The following GSE1 variants were observed in gnomAD, a reference collection of about 807,000 sequenced individuals.
GSE1 encodes genetic suppressor element 1.
Under a neutral mutation model 112.6 loss-of-function variants are expected in GSE1, and 32 were observed. That is an observed-to-expected ratio of 0.28 (90% CI 0.21 to 0.38). The LOEUF is 0.38. Among genes scored for constraint, GSE1 ranks in the 10% least tolerant of loss-of-function variants. The pLI is 1.00. For missense variants in GSE1, 2,348 were observed against 1,699.2 expected (o/e 1.38, Z -6.71); for synonymous variants, 1,115 against 735.6 (o/e 1.52, Z -8.35).
Position 85,417,765 on chromosome 16 carries a change from A to G in GSE1, c.2464+60122A>G, listed in dbSNP as rs534337594. 1.1e-4 allele frequency among the ~76,000 whole-genome samples: 17 copies of G among 152,374 alleles called. 1 individual carries two copies. Among genetic ancestry groups the G allele is most frequent in the Admixed American group, 4.6e-4 (7 of 15,308 alleles). On this transcript the variant is annotated intron_variant, in intron 2 of 2. Transcript: ENST00000637419. ...ATCAGCATCCGTCGCAGGACGTGTT[A>G]CAGTCCTGAATGCTGGGCTGCACCC...
rs567063101 is a variant in GSE1, at chr16:85,655,516, C to T, written c.798-210C>T. 3.9e-5 allele frequency among the ~76,000 whole-genome samples: 6 copies of T among 152,304 alleles called. No homozygotes were observed. The East Asian group carries it at 7.7e-4, about 20-fold the overall frequency. On this transcript the variant is annotated intron_variant, in intron 5 of 15. Transcript: ENST00000253458. Reference sequence around the variant, plus strand: ...CTGAGCCGAGGGAGGTGGCAGGCGGCGCCCTGGAACCCCAAGCTGTCGGCA... The same window carrying T: ...CTGAGCCGAGGGAGGTGGCAGGCGGTGCCCTGGAACCCCAAGCTGTCGGCA...
intron 1 of GSE1, among the ~76,000 whole-genome samples, chr16:85,632,813 G>A (rs76516778): frequency 0.1 from 15,251 of 152,276 alleles, 946 homozygotes; most frequent in Admixed American, 0.2. Flanking sequence ...GGAGGAAGCC[G>A]GGACCCTGTC....
In GSE1 at chr16:85,419,787, A is replaced by G. The variant is rs1337768308; in HGVS notation, c.2464+62144A>G. On this transcript the variant is annotated intron_variant, in intron 2 of 2. Transcript: ENST00000637419. The surrounding 1 kb of genome is among the most constrained non-coding windows in gnomAD (Gnocchi z 6.5). ...CCGCCCCCACCCCTCCAAGACTCTG[A>G]TGGAAATGGTCCGAGTAGGGCTTCT... is the stretch of plus-strand genomic sequence containing the variant. Among the ~76,000 whole-genome samples, 1 of 139,528 alleles carries G rather than the reference A, an allele frequency of 7.2e-6. No homozygotes were observed. Among genetic ancestry groups the G allele is most frequent in the African/African-American group, 2.6e-5 (1 of 38,608 alleles). The allele number at this position is 139,528 out of a possible 152,430, so 91.5% of individuals were successfully genotyped here. A position where few individuals can be genotyped will look rare whatever the true frequency, so the allele number is the denominator to read the frequency against.
chr16:85,583,477 G>C (rs559117791), intron 1 of GSE1: 2 of 152,456 alleles, frequency 1.3e-5, no homozygotes, highest in Admixed American at 1.3e-4. Flanking sequence ...AGATTCCAAG[G>C]CTCTCGGCCT....
At chr16:85,641,198 C>A (rs2050415083) in intron 2 of GSE1, among the ~76,000 whole-genome samples, 1 of 152,272 alleles carries the variant, frequency 6.6e-6, no homozygotes, top group Non-Finnish European at 1.5e-5. Context: ...CCTAACGTCC[C>A]ACCTCCCTCA....
At chr16:85,547,047 G>A (rs1457399845) in intron 2 of GSE1, among the ~76,000 whole-genome samples, 2 of 152,254 alleles carry the variant, frequency 1.3e-5, no homozygotes, top group East Asian at 1.9e-4. Context: ...TGTGGAGGGC[G>A]GGCAGCCTCA....
At chr16:85,308,179 C>T (rs529674864) in intron 1 of GSE1, among the ~76,000 whole-genome samples, 51 of 152,298 alleles carry the variant, frequency 3.3e-4, no homozygotes, top group African/African-American at 1.2e-3. Flanking sequence ...AGCTGCTCTT[C>T]TCTTTGAATT....
rs541535634 is a variant in GSE1, at chr16:85,674,473, G to A, written c.*1934G>A. 2.0e-5 allele frequency: 3 copies of A among 152,332 alleles called. No homozygotes were observed. The highest frequency in any genetic ancestry group is 4.4e-5 in the Non-Finnish European group (3 of 68,042). 9.4% of individuals were successfully genotyped at this position (152,332 alleles called of 1,614,324 possible). On this transcript the variant is annotated 3_prime_UTR_variant, in exon 16 of 16. Coordinates refer to ENST00000253458, the MANE Select transcript of GSE1 (RefSeq NM_014615.5). ...GGTCAGCATGTTCCACAGGTGTTCAGAGGGAGTCTGCTACAAACTATCAGG... is the reference window on the plus strand; with the variant it reads ...GGTCAGCATGTTCCACAGGTGTTCAAAGGGAGTCTGCTACAAACTATCAGG...
At chr16:85,467,724 A>G (rs2050165187) in intron 2 of GSE1, among the ~76,000 whole-genome samples, 1 of 152,188 alleles carries the variant, frequency 6.6e-6, no homozygotes, top group Non-Finnish European at 1.5e-5. Context: ...GGTAGCCACC[A>G]AAGGCTGCCC....
At chr16:85,276,826 A>G (rs559383542) in intron 1 of GSE1, among the ~76,000 whole-genome samples, 1 of 152,194 alleles carries the variant, frequency 6.6e-6, no homozygotes, top group African/African-American at 2.4e-5. Context: ...CCCCTGACTC[A>G]GGAGCTTCCC....
chr16:85,365,577 G>T (rs1293991836), intron 2 of GSE1, among the ~76,000 whole-genome samples: 1 of 152,194 alleles, frequency 6.6e-6, no homozygotes, highest in East Asian at 1.9e-4. Flanking sequence ...CGTCCTTGGG[G>T]ACCACATTCA....
intron 1 of GSE1, among the ~76,000 whole-genome samples, chr16:85,590,933 G>A (rs2046977021): frequency 6.6e-6 from 1 of 151,350 alleles, no homozygotes; most frequent in Non-Finnish European, 1.5e-5. Context: ...GCTGACATGC[G>A]GTGGGGGGGA....
intron 2 of GSE1, among the ~76,000 whole-genome samples, chr16:85,641,227 C>T (rs1199002088): frequency 3.3e-5 from 5 of 152,274 alleles, no homozygotes; most frequent in African/African-American, 4.8e-5. Context: ...GTCTCAGCTC[C>T]TTTGGTCCCA....
At chr16:85,508,259 C>G (rs937999516) in intron 2 of GSE1, among the ~76,000 whole-genome samples, 1 of 152,218 alleles carries the variant, frequency 6.6e-6, no homozygotes, top group Non-Finnish European at 1.5e-5. Flanking sequence ...GTCTGCAACT[C>G]CTGACCTCAG....
intron 1 of GSE1, among the ~76,000 whole-genome samples, chr16:85,299,851 G>T (rs991247149): frequency 2.0e-5 from 3 of 150,878 alleles, no homozygotes; most frequent in African/African-American, 7.3e-5. Context: ...CAGGAGGATC[G>T]CTTGAGCCTG....
intron 1 of GSE1, among the ~76,000 whole-genome samples, chr16:85,193,343 T>C (rs775000250): frequency 3.3e-5 from 5 of 152,210 alleles, no homozygotes. Context: ...AATTTATTCT[T>C]ATTTTTATTT....
chr16:85,672,583 A>G lies in GSE1; in HGVS notation c.*44A>G, dbSNP rs771985731. On this transcript the variant is annotated 3_prime_UTR_variant, in exon 16 of 16. Coordinates refer to ENST00000253458, the MANE Select transcript of GSE1 (RefSeq NM_014615.5). The stretch of plus-strand genomic sequence containing the variant: ...GCCGAACCTATAGTATAGAAATATT[A>G]TCTATTTTATTACCTTGAATATTTA... 2 of 1,351,220 alleles carry G rather than the reference A, an allele frequency of 1.5e-6. No homozygotes were observed. Among genetic ancestry groups the G allele is most frequent in the South Asian group, 1.5e-5 (1 of 68,838 alleles). The allele number at this position is 1,351,220 out of a possible 1,614,324, so 83.7% of individuals were successfully genotyped here.
intron 1 of GSE1, among the ~76,000 whole-genome samples, chr16:85,229,651 T>C (rs535526283): frequency 6.6e-6 from 1 of 152,204 alleles, no homozygotes; most frequent in South Asian, 2.1e-4. Flanking sequence ...CCCAGGCAGG[T>C]TGGCTCCAGA....
At chr16:85,521,962 G>C (rs1197436285) in intron 2 of GSE1, among the ~76,000 whole-genome samples, 1 of 152,238 alleles carries the variant, frequency 6.6e-6, no homozygotes, top group African/African-American at 2.4e-5. Context: ...ACAGAAGCCA[G>C]GGGCATCTTC....
Sources: allele counts gnomAD v4.1 joint callset (sites outside exome capture counted in the v4.1 genomes callset), GRCh38; gene constraint gnomAD v4.1.1; non-coding constraint Gnocchi (gnomAD v3.1); transcripts MANE v1.5; gene names NCBI Gene and HGNC (gene_info 2026-07-23, HGNC 2026-07-21).